The following TIAM1 variants were observed in gnomAD, a reference collection of about 807,000 sequenced individuals.
The protein encoded by TIAM1 is rho guanine nucleotide exchange factor TIAM1.
Under a neutral mutation model 163.5 loss-of-function variants are expected in TIAM1, and 65 were observed. The observed-to-expected ratio is 0.40, with a 90% confidence interval of 0.33 to 0.49. The LOEUF (loss-of-function observed/expected upper bound fraction) is 0.49. Among genes scored for constraint, TIAM1 ranks in the 20% least tolerant of loss-of-function variants. The pLI is 0.77. For synonymous variants in TIAM1, 833 were observed against 810.1 expected (o/e 1.03, Z -0.48); for missense variants, 1,789 against 2,044.7 (o/e 0.87, Z 2.41).
intron 11 of TIAM1, among the ~76,000 whole-genome samples, chr21:31,208,729 T>C (rs532266765): frequency 2.1e-4 from 32 of 152,344 alleles, no homozygotes; most frequent in Non-Finnish European, 2.4e-4. Context: ...TCCATTTCTC[T>C]GATTCATATG....
At chr21:31,190,853 T>C (rs1467162949) in intron 13 of TIAM1, among the ~76,000 whole-genome samples, 1 of 152,210 alleles carries the variant, frequency 6.6e-6, no homozygotes, top group Admixed American at 6.5e-5. Flanking sequence ...CCTAAAGTGT[T>C]CTAAAATAGA....
chr21:31,479,930 A>G (rs1170091312), intron 1 of TIAM1, among the ~76,000 whole-genome samples: 1 of 152,148 alleles, frequency 6.6e-6, no homozygotes, highest in Non-Finnish European at 1.5e-5. Context: ...CTCTCACAGC[A>G]TGCAGTAATT....
intron 2 of TIAM1, among the ~76,000 whole-genome samples, chr21:31,351,078 T>C (rs2076226673): frequency 6.6e-6 from 1 of 152,234 alleles, no homozygotes; most frequent in Non-Finnish European, 1.5e-5. Flanking sequence ...CCATCTTCCC[T>C]AATGTAAATG....
chr21:31,484,735 C>T (rs1441614035), intron 1 of TIAM1, among the ~76,000 whole-genome samples: 22 of 152,320 alleles, frequency 1.4e-4, no homozygotes, highest in Admixed American at 7.8e-4. Flanking sequence ...GCCATCTTCA[C>T]GTTCTGAGGC....
intron 2 of TIAM1, among the ~76,000 whole-genome samples, chr21:31,460,520 G>A (rs2045284552): frequency 2.6e-5 from 4 of 152,156 alleles, no homozygotes; most frequent in African/African-American, 7.2e-5. Context: ...CCAGCTACTC[G>A]AGAGGCTGAG....
At position 31,231,936 on chromosome 21, in the gene TIAM1, C is replaced by T. The variant is rs141018844; in HGVS notation, c.1585-5986G>A. ...GCTGAGGCACAAAATCGCTTGAACC[C>T]GGGAGGCGGAGGTTGTAGTGAGCTG... On this transcript the variant is annotated intron_variant, in intron 6 of 27. Coordinates refer to ENST00000541036, the MANE Select transcript of TIAM1 (RefSeq NM_001353694.2). Among the ~76,000 whole-genome samples, 945 of 151,932 alleles carry T rather than the reference C, an allele frequency of 6.2e-3. 6 individuals are homozygous for T. The highest frequency in any genetic ancestry group is 0.022 in the African/African-American group (901 of 41,358).
chr21:31,126,566 CAATA>C (rs546029364), intron 26 of TIAM1, among the ~76,000 whole-genome samples: 15 of 151,278 alleles, frequency 9.9e-5, no homozygotes, highest in Non-Finnish European at 2.2e-4. Flanking sequence ...GGCTCTGTTT[CAATA>C]AATAAATAAA....
At chr21:31,168,601 C>T (rs1167062673) in intron 15 of TIAM1, among the ~76,000 whole-genome samples, 1 of 152,152 alleles carries the variant, frequency 6.6e-6, no homozygotes, top group Non-Finnish European at 1.5e-5. Flanking sequence ...AGGGTTTCAC[C>T]ATGTTAGCCA....
At chr21:31,372,913 G>A (rs2076620637) in intron 2 of TIAM1, among the ~76,000 whole-genome samples, 1 of 152,080 alleles carries the variant, frequency 6.6e-6, no homozygotes, top group Non-Finnish European at 1.5e-5. Flanking sequence ...AAATTAGCCA[G>A]GCGTGGTGGC....
Position 31,317,236 on chromosome 21 carries a change from C to T in TIAM1, c.-189+22007G>A, listed in dbSNP as rs192920453. 6.0e-3 allele frequency among the ~76,000 whole-genome samples: 915 copies of T among 151,934 alleles called. 18 individuals are homozygous for T. The highest frequency in any genetic ancestry group is 0.034 in the Middle Eastern group (10 of 294). The stretch of plus-strand genomic sequence containing the variant: ...TTGGGAGGCCGAAGAGGGTGGATCA[C>T]CTGAGGTCAGGAGTTTGAGACCAGC... On this transcript the variant is annotated intron_variant, in intron 2 of 27. Transcript: ENST00000541036.
intron 1 of TIAM1, among the ~76,000 whole-genome samples, chr21:31,508,960 TC>T (rs1299791753): frequency 3.3e-5 from 5 of 151,858 alleles, no homozygotes; most frequent in African/African-American, 1.2e-4. Flanking sequence ...CACCTGCCCC[TC>T]CCCCATGCCT....
In TIAM1 at chr21:31,120,913, A is replaced by G; in HGVS notation, c.4307-76T>C. On this transcript the variant is annotated intron_variant, in intron 27 of 27. Coordinates refer to ENST00000541036, the MANE Select transcript of TIAM1 (RefSeq NM_001353694.2). The surrounding 1 kb of genome is among the most constrained non-coding windows in gnomAD (Gnocchi z 4.2). ...GAGATGAAAATCCAGAAAGCAAAGGACAGGAGAAAATAAAAACCAAAACGG... is the reference window on the plus strand; with the variant it reads ...GAGATGAAAATCCAGAAAGCAAAGGGCAGGAGAAAATAAAAACCAAAACGG... 7.1e-7 allele frequency: 1 copy of G among 1,415,546 alleles called. No individual in the cohort carries two copies. Among genetic ancestry groups the G allele is most frequent in the South Asian group, 1.5e-5 (1 of 68,884 alleles). The allele number at this position is 1,415,546 out of a possible 1,614,324, so 87.7% of individuals were successfully genotyped here. A position where few individuals can be genotyped will look rare whatever the true frequency, so the allele number is the denominator to read the frequency against.
intron 1 of TIAM1, among the ~76,000 whole-genome samples, chr21:31,487,713 G>A (rs1272573427): frequency 7.9e-5 from 12 of 151,450 alleles, no homozygotes; most frequent in Non-Finnish European, 1.3e-4. Context: ...GCCCGCCACC[G>A]CGCCCGGCTA....
In TIAM1 at chr21:31,515,409, C is replaced by G. The variant is rs532012912; in HGVS notation, c.-422+43518G>C. 7.2e-4 allele frequency among the ~76,000 whole-genome samples: 110 copies of G among 152,260 alleles called. 3 individuals are homozygous for G. In the South Asian group the frequency reaches 0.022, roughly 31 times the overall value. ...CAGAAGCTTGGGGTGAACCAGCAAC[C>G]TGTGCTTTCACAAGCCCTCCGGGGG... On this transcript the variant is annotated intron_variant, in intron 1 of 28. Coordinates refer to the TIAM1 transcript ENST00000286827.
chr21:31,146,476 C>T (rs575844184), intron 20 of TIAM1, among the ~76,000 whole-genome samples: 45 of 149,742 alleles, frequency 3.0e-4, no homozygotes, highest in Admixed American at 2.6e-3. Flanking sequence ...TTTGGGAGGT[C>T]GAGGCGGGTG....
At chr21:31,423,891 A>G (rs1352895247) in intron 2 of TIAM1, among the ~76,000 whole-genome samples, 4 of 146,908 alleles carry the variant, frequency 2.7e-5, no homozygotes, top group Admixed American at 6.9e-5. Context: ...AGTTGGGGAG[A>G]AATAGGGAAT....
intron 2 of TIAM1, among the ~76,000 whole-genome samples, chr21:31,305,609 A>G (rs912635352): frequency 6.6e-6 from 1 of 152,158 alleles, no homozygotes; most frequent in Admixed American, 6.5e-5. Flanking sequence ...ATCAACGGCC[A>G]GTTGCTGAGA....
At chr21:31,317,877 T>C (rs2075182154) in intron 2 of TIAM1, among the ~76,000 whole-genome samples, 1 of 152,224 alleles carries the variant, frequency 6.6e-6, no homozygotes, top group Admixed American at 6.5e-5. Context: ...ATGTGCCTAC[T>C]TGATGAGACA....
At chr21:31,371,379 G>C (rs1219545560) in intron 2 of TIAM1, among the ~76,000 whole-genome samples, 1 of 152,164 alleles carries the variant, frequency 6.6e-6, no homozygotes, top group Non-Finnish European at 1.5e-5. Context: ...TTTACGATGA[G>C]ACTCAAGCCA....
Sources: allele counts gnomAD v4.1 joint callset (sites outside exome capture counted in the v4.1 genomes callset), GRCh38; gene constraint gnomAD v4.1.1; non-coding constraint Gnocchi (gnomAD v3.1); transcripts MANE v1.5; gene names NCBI Gene and HGNC (gene_info 2026-07-23, HGNC 2026-07-21).